TRAP1: variants seen among roughly 807,000 people sequenced by gnomAD.
TRAP1 encodes TNF receptor associated protein 1.
TRAP1 carries 102 observed loss-of-function variants against 89.1 expected under a neutral mutation model. That is an observed-to-expected ratio of 1.15 (90% CI 0.98 to 1.35). TRAP1 has a LOEUF of 1.35. Ranked by LOEUF, TRAP1 falls within the 40% of genes most tolerant of loss-of-function variation. The pLI is 0.00. For synonymous variants in TRAP1, 508 were observed against 388.0 expected, an observed-to-expected ratio of 1.31 and a Z score of -3.64; for missense variants, 1,256 against 945.3, an observed-to-expected ratio of 1.33 and a Z score of -4.31.
chr16:3,672,981 C>A (rs907714039), intron 9 of TRAP1, among the ~76,000 whole-genome samples, 161 bp from the exon 10 acceptor site: 2 of 152,146 alleles, frequency 1.3e-5, no homozygotes, highest in African/African-American at 4.8e-5. Flanking sequence ...CCCCACGATG[C>A]CCCACACTGT....
chr16:3,673,482 G>A (rs919533144), intron 9 of TRAP1, among the ~76,000 whole-genome samples: 2 of 152,230 alleles, frequency 1.3e-5, no homozygotes, highest in Non-Finnish European at 2.9e-5. Context: ...CACGGGATCT[G>A]GTTAAAATGC....
At chr16:3,676,268 A>C in intron 6 of TRAP1, 123 bp from the exon 7 acceptor site, 3 of 655,062 alleles carry the variant, frequency 4.6e-6, no homozygotes, top group East Asian at 3.4e-5. Flanking sequence ...CACACCTCAA[A>C]TGCCCCATTT....
rs772582615 is a variant in TRAP1, at chr16:3,663,392, AG to A, written c.1708+31del. On this transcript the variant is annotated intron_variant, in intron 14 of 17. Coordinates refer to ENST00000246957, the MANE Select transcript of TRAP1 (RefSeq NM_016292.3). ...GAGAGGCGTGCGGGGAGTGGAAACC[AG>A]CCCCACGCCTAGAGAGCAGGGGATG... 61 of 1,612,824 alleles carry A rather than the reference AG, an allele frequency of 3.8e-5. 3 individuals carry two copies. In the South Asian group the frequency reaches 6.0e-4, roughly 16 times the overall value.
intron 1 of TRAP1, among the ~76,000 whole-genome samples, chr16:3,710,791 C>T (rs1293818831): frequency 2.0e-5 from 3 of 151,580 alleles, no homozygotes; most frequent in Non-Finnish European, 4.4e-5. Context: ...TGCTGAATAG[C>T]CTCCTGCTCT....
At chr16:3,662,319 CAA>C in intron 15 of TRAP1, 187 bp from the exon 16 acceptor site, 1 of 715,906 alleles carries the variant, frequency 1.4e-6, no homozygotes, top group Non-Finnish European at 2.2e-6. Flanking sequence ...ATGCCCCACG[CAA>C]AGATACTGTG....
intron 10 of TRAP1, 33 bp downstream of exon 10, chr16:3,672,667 G>A (rs559130313): frequency 4.4e-5 from 70 of 1,590,526 alleles, no homozygotes; most frequent in Admixed American, 3.5e-5. Flanking sequence ...ACTGGGCCAC[G>A]GGGGCACTGC....
chr16:3,667,282 A>C (rs2050847466), intron 11 of TRAP1, among the ~76,000 whole-genome samples: 1 of 152,092 alleles, frequency 6.6e-6, no homozygotes, highest in Admixed American at 6.6e-5. Context: ...GGCAGTGGCA[A>C]TGGTAGATTG....
At chr16:3,679,607 G>A in intron 5 of TRAP1, 112 bp downstream of exon 5, 1 of 1,041,300 alleles carries the variant, frequency 9.6e-7, no homozygotes, top group Non-Finnish European at 1.5e-6. Context: ...CCCACTGCGT[G>A]GCATGCAACT....
At chr16:3,667,091 A>G (rs534299837) in intron 11 of TRAP1, among the ~76,000 whole-genome samples, 9 of 152,138 alleles carry the variant, frequency 5.9e-5, no homozygotes, top group Non-Finnish European at 1.2e-4. Flanking sequence ...GCGGGGGGAC[A>G]GTAGCCCAGG....
intron 5 of TRAP1, among the ~76,000 whole-genome samples, chr16:3,679,443 G>A (rs1196081068): frequency 6.6e-6 from 1 of 152,170 alleles, no homozygotes; most frequent in Non-Finnish European, 1.5e-5. Flanking sequence ...ACAAGAAGAT[G>A]TGTCTACAAT....
chr16:3,691,460 A>G (rs1415727903), intron 1 of TRAP1, among the ~76,000 whole-genome samples: 1 of 152,152 alleles, frequency 6.6e-6, no homozygotes, highest in Non-Finnish European at 1.5e-5. Flanking sequence ...GGCTGAAACC[A>G]TCTTCCCGCC....
intron 1 of TRAP1, among the ~76,000 whole-genome samples, chr16:3,713,021 C>G (rs955003202): frequency 6.6e-6 from 1 of 152,162 alleles, no homozygotes; most frequent in Non-Finnish European, 1.5e-5. Flanking sequence ...CTTCCTCTGC[C>G]GTCTAAGTGC....
Position 3,698,048 on chromosome 16 carries a change from T to G in TRAP1, c.89-7063A>C, listed in dbSNP as rs142972286. Reference sequence around the variant, plus strand: ...GGATGGTCTCGAACTCCTGACCTCGTGATCCGTCTGCCTCAGTCTCCCAAA... The same window carrying G: ...GGATGGTCTCGAACTCCTGACCTCGGGATCCGTCTGCCTCAGTCTCCCAAA... On this transcript the variant is annotated intron_variant, in intron 1 of 17. Coordinates refer to ENST00000246957, the MANE Select transcript of TRAP1 (RefSeq NM_016292.3). Among the ~76,000 whole-genome samples the G allele has an allele frequency of 3.2e-3, 490 of 152,156 alleles. 2 individuals carry two copies. Among genetic ancestry groups the G allele is most frequent in the African/African-American group, 0.011 (473 of 41,520 alleles).
chr16:3,709,083 G>C (rs1163801698), intron 1 of TRAP1, among the ~76,000 whole-genome samples: 2 of 151,742 alleles, frequency 1.3e-5, no homozygotes, highest in African/African-American at 4.8e-5. Context: ...CCACAGTGCT[G>C]GGATTACAGG....
chr16:3,662,005 G>A lies in TRAP1; in HGVS notation c.1922C>T (p.Thr641Met), dbSNP rs538573375. The A allele has an allele frequency of 6.6e-4, 1,064 of 1,609,242 alleles. 17 individuals carry two copies. The South Asian group carries it at 0.011, about 16-fold the overall frequency. The change falls in exon 16 of 18, where the codon ACG (threonine) becomes ATG (methionine). Residue 641 changes from threonine to methionine, a missense_variant. Coordinates refer to ENST00000246957, the MANE Select transcript of TRAP1 (RefSeq NM_016292.3). ...QEERAQLLQP[T>M]LEINPRHALI... is the part of the protein sequence containing the mutation. The stretch of plus-strand genomic sequence containing the variant: ...GCCTCACCTGGGGTTGATCTCCAGC[G>A]TGGGCTGCAGGAGCTGTGCGCGCTC...
At position 3,664,283 on chromosome 16, in the gene TRAP1, TTTC is replaced by T. The variant is rs767468375; in HGVS notation, c.1557_1559del (p.Lys520del). ...CCCACCGCTCACCCACCTCTGTGTC[TTTC>T]TTCTTCATGGCCTCATAGTAGGGTG... is the stretch of plus-strand genomic sequence containing the variant. On this transcript the variant is annotated inframe_deletion, in exon 13 of 18. Coordinates refer to ENST00000246957, the MANE Select transcript of TRAP1 (RefSeq NM_016292.3). 65 of 1,583,484 alleles carry T rather than the reference TTTC, an allele frequency of 4.1e-5. No homozygotes were observed. The highest frequency in any genetic ancestry group is 1.9e-5 in the Admixed American group (1 of 54,038).
At chr16:3,686,393 T>C (rs372434448) in intron 3 of TRAP1, among the ~76,000 whole-genome samples, 30 of 152,286 alleles carry the variant, frequency 2.0e-4, no homozygotes, top group Admixed American at 7.2e-4. Flanking sequence ...TCACGGCTTA[T>C]TGCAGCTTTA....
Position 3,679,741 on chromosome 16 carries a change from G to T in TRAP1, c.521C>A (p.Thr174Lys). The change falls in exon 5 of 18, where the codon ACG becomes AAG. Residue 174 changes from threonine to lysine, a missense_variant. By Grantham distance (78) the Thr-to-Lys change is moderately conservative (BLOSUM62 -1). Coordinates refer to ENST00000246957, the MANE Select transcript of TRAP1 (RefSeq NM_016292.3). ...TQEELVSNLG[T>K]IARSGSKAFL... Reference sequence around the variant, plus strand: ...TACCTTTGACCCCGATCTGGCAATCGTCCCCAGGTTGGACACCAGCTCTTC... The same window carrying T: ...TACCTTTGACCCCGATCTGGCAATCTTCCCCAGGTTGGACACCAGCTCTTC... 6.2e-7 allele frequency: 1 copy of T among 1,614,094 alleles called. No homozygotes were observed. Among genetic ancestry groups the T allele is most frequent in the Non-Finnish European group, 8.5e-7 (1 of 1,180,012 alleles).
chr16:3,663,912 A>C, intron 13 of TRAP1: 1 of 344,454 alleles, frequency 2.9e-6, no homozygotes, highest in African/African-American at 2.1e-5. Flanking sequence ...AAAATACAAA[A>C]ATTTGCTGGG....
Sources: allele counts gnomAD v4.1 joint callset (sites outside exome capture counted in the v4.1 genomes callset), GRCh38; gene constraint gnomAD v4.1.1; transcripts MANE v1.5; gene names NCBI Gene and HGNC (gene_info 2026-07-23, HGNC 2026-07-21).